The following F2RL1 variants were observed in gnomAD, a reference collection of about 807,000 sequenced individuals.
The protein encoded by F2RL1 is proteinase-activated receptor 2.
F2RL1 carries 16 observed loss-of-function variants against 21.7 expected under a neutral mutation model. The observed-to-expected ratio is 0.74, with a 90% CI of 0.50 to 1.12. The LOEUF is 1.12. Ranked by LOEUF, F2RL1 falls within the 50% of genes most tolerant of loss-of-function variation. The pLI, the probability that F2RL1 is intolerant of heterozygous loss-of-function variation, is 0.00. For synonymous variants in F2RL1, 181 were observed against 186.7 expected (o/e 0.97, Z 0.25); for missense variants, 432 against 477.8 (o/e 0.90, Z 0.89).
At chr5:76,827,905 A>G (rs867953109) in intron 1 of F2RL1, among the ~76,000 whole-genome samples, 1 of 151,812 alleles carries the variant, frequency 6.6e-6, no homozygotes, top group African/African-American at 2.4e-5. Context: ...CCATATAGGA[A>G]CTCTTTAACC....
At chr5:76,830,171 A>G (rs953859589) in intron 1 of F2RL1, among the ~76,000 whole-genome samples, 1 of 152,098 alleles carries the variant, frequency 6.6e-6, no homozygotes, top group African/African-American at 2.4e-5. Context: ...ATTTCTTGGC[A>G]TTCTTGGCCT....
At chr5:76,829,810 G>A (rs184213305) in intron 1 of F2RL1, among the ~76,000 whole-genome samples, 1 of 152,262 alleles carries the variant, frequency 6.6e-6, no homozygotes, top group Non-Finnish European at 1.5e-5. Context: ...ATGGATATGT[G>A]TATTGGGAAC....
chr5:76,824,287 A>G (rs1750200922), intron 1 of F2RL1, among the ~76,000 whole-genome samples: 1 of 150,140 alleles, frequency 6.7e-6, no homozygotes, highest in African/African-American at 2.5e-5. Flanking sequence ...AGCTGGGGCT[A>G]TGGCTAGGTT....
chr5:76,830,951 ATACGGCAGTGCAAG>A (rs1216123302), intron 1 of F2RL1, among the ~76,000 whole-genome samples: 7 of 152,114 alleles, frequency 4.6e-5, no homozygotes, highest in African/African-American at 1.7e-4. Flanking sequence ...TCCCCCTGGT[ATACGGCAGTGCAAG>A]TATTGCCCTG....
Position 76,834,996 on chromosome 5 carries a change from AC to A in F2RL1, c.*1196del, listed in dbSNP as rs1378569499. On this transcript the variant is annotated 3_prime_UTR_variant, in exon 2 of 2. Coordinates refer to ENST00000296677, the MANE Select transcript of F2RL1 (RefSeq NM_005242.6). ...AACATGTAAATACAAATTTTGTATA[AC>A]TTTTGATGACTTCAGTGAAATTTTC... 1 of 152,388 alleles carries A rather than the reference AC, an allele frequency of 6.6e-6. No homozygotes were observed. Among genetic ancestry groups the A allele is most frequent in the Non-Finnish European group, 1.5e-5 (1 of 68,044 alleles). The allele number at this position is 152,388 out of a possible 1,614,324, so 9.4% of individuals were successfully genotyped here.
At chr5:76,820,576 CCT>C (rs1322358848) in intron 1 of F2RL1, among the ~76,000 whole-genome samples, 2 of 152,070 alleles carry the variant, frequency 1.3e-5, no homozygotes, top group Non-Finnish European at 2.9e-5. Flanking sequence ...GGACACCTCT[CCT>C]CTATGTCCTT....
chr5:76,819,332 G>A (rs1408134229), intron 1 of F2RL1, 68 bp downstream of exon 1: 9 of 1,367,004 alleles, frequency 6.6e-6, no homozygotes, highest in East Asian at 4.9e-5. Context: ...CTGGGCAGAC[G>A]GTGGGATCCG....
At chr5:76,825,213 G>T (rs1368816274) in intron 1 of F2RL1, among the ~76,000 whole-genome samples, 1 of 151,848 alleles carries the variant, frequency 6.6e-6, no homozygotes, top group Admixed American at 6.6e-5. Context: ...CACCATGTTG[G>T]TCAGGATGGT....
rs1477937747 is a variant in F2RL1 at position 76,834,985 on chromosome 5, A to G, written c.*1184A>G. On this transcript the variant is annotated 3_prime_UTR_variant, in exon 2 of 2. Coordinates refer to ENST00000296677, the MANE Select transcript of F2RL1 (RefSeq NM_005242.6). ...TCAGGATTTTAAACATGTAAATACA[A>G]ATTTTGTATAACTTTTGATGACTTC... 2 of 152,398 alleles carry G rather than the reference A, an allele frequency of 1.3e-5. No individual in the cohort carries two copies. Among genetic ancestry groups the G allele is most frequent in the Admixed American group, 1.3e-4 (2 of 15,288 alleles). The allele number at this position is 152,398 out of a possible 1,614,324, so 9.4% of individuals were successfully genotyped here.
Position 76,833,357 on chromosome 5 carries a change from C to T in F2RL1, c.750C>T (p.Val250=). Residue 250 remains valine, a synonymous_variant, in exon 2 of 2, where the codon GTC becomes GTT. Coordinates refer to ENST00000296677, the MANE Select transcript of F2RL1 (RefSeq NM_005242.6). Reference sequence around the variant, plus strand: ...ACTTCCTCTCTCTGGCCATTGGGGTCTTTCTGTTCCCAGCCTTCCTCACAG... The same window carrying T: ...ACTTCCTCTCTCTGGCCATTGGGGTTTTTCTGTTCCCAGCCTTCCTCACAG... ...FNYFLSLAIG[V]FLFPAFLTAS... 1 of 1,614,040 alleles carries T rather than the reference C, an allele frequency of 6.2e-7. No homozygotes were observed. Among genetic ancestry groups the T allele is most frequent in the Non-Finnish European group, 8.5e-7 (1 of 1,180,036 alleles).
chr5:76,823,540 A>G (rs2243026), intron 1 of F2RL1, among the ~76,000 whole-genome samples: 86,504 of 151,392 alleles, frequency 0.57, 25,287 homozygotes, highest in South Asian at 0.72. Flanking sequence ...CAACACCTCC[A>G]GCTAATTTTT....
chr5:76,829,186 C>T (rs1208104136), intron 1 of F2RL1, among the ~76,000 whole-genome samples: 2 of 151,120 alleles, frequency 1.3e-5, no homozygotes, highest in Non-Finnish European at 2.9e-5. Context: ...CATTATATGA[C>T]TGATATGTCT....
intron 1 of F2RL1, among the ~76,000 whole-genome samples, chr5:76,825,453 G>GT (rs1268872133): frequency 1.3e-5 from 2 of 152,204 alleles, no homozygotes; most frequent in African/African-American, 4.8e-5. Context: ...CTGTAACTGA[G>GT]TGGGGGGATG....
In F2RL1 at chr5:76,832,710, G is replaced by C. The variant is rs767479233; in HGVS notation, c.103G>C (p.Gly35Arg). The C allele has an allele frequency of 1.2e-6, 2 of 1,609,710 alleles. No individual in the cohort carries two copies. Among genetic ancestry groups the C allele is most frequent in the Non-Finnish European group, 1.7e-6 (2 of 1,177,328 alleles). ...TIQGTSRSSK[G>R]RSLIGKVDGT... ...TACAGGAACCAGTAGATCCTCTAAA[G>C]GAAGAAGCCTTATTGGTAAGGTTGA... Residue 35 changes from glycine to arginine, a missense_variant, in exon 2 of 2, where the codon GGA (glycine) becomes CGA (arginine). Gly to Arg is a moderately radical substitution (Grantham distance 125, BLOSUM62 -2). Transcript: ENST00000296677.
intron 1 of F2RL1, among the ~76,000 whole-genome samples, chr5:76,820,056 G>T (rs944054060): frequency 4.6e-5 from 7 of 152,200 alleles, no homozygotes; most frequent in African/African-American, 1.7e-4. Context: ...GACTTTCCTA[G>T]TGTGCCACCC....
chr5:76,827,784 G>C (rs1750271684), intron 1 of F2RL1, among the ~76,000 whole-genome samples: 1 of 151,592 alleles, frequency 6.6e-6, no homozygotes, highest in African/African-American at 2.4e-5. Flanking sequence ...ATTTTTAATA[G>C]AGATGGGGTT....
rs1272090660 is a variant in F2RL1 at position 76,833,116 on chromosome 5, G to A, written c.509G>A (p.Ser170Asn). The stretch of plus-strand genomic sequence containing the variant: ...TCCATTCTCTTCATGACCTGCCTCA[G>A]TGTGCAGAGGTATTGGGTCATCGTG... The part of the protein sequence containing the change: ...YCSILFMTCL[S>N]VQRYWVIVNP... The change falls in exon 2 of 2, where the codon AGT becomes AAT. Residue 170 changes from serine to asparagine, a missense_variant. By Grantham distance (46) the Ser-to-Asn change is conservative. Coordinates refer to ENST00000296677, the MANE Select transcript of F2RL1 (RefSeq NM_005242.6). The A allele has an allele frequency of 1.2e-6, 2 of 1,614,084 alleles. No homozygotes were observed. Among genetic ancestry groups the A allele is most frequent in the East Asian group, 2.2e-5 (1 of 44,902 alleles).
At chr5:76,820,804 G>A (rs935500560) in intron 1 of F2RL1, among the ~76,000 whole-genome samples, 6 of 152,086 alleles carry the variant, frequency 3.9e-5, no homozygotes, top group Admixed American at 3.9e-4. Context: ...GAAAAATCAG[G>A]TTACTTGTTA....
chr5:76,830,541 G>T (rs1250879274), intron 1 of F2RL1, among the ~76,000 whole-genome samples: 1 of 152,162 alleles, frequency 6.6e-6, no homozygotes, highest in East Asian at 1.9e-4. Context: ...CTCCCAAAGT[G>T]CTGGGATTAC....
Sources: gnomAD v4.1 joint callset for allele counts (sites outside exome capture counted in the v4.1 genomes callset) on GRCh38, gnomAD v4.1.1 for gene constraint, MANE v1.5 for transcripts, NCBI Gene and HGNC (gene_info 2026-07-23, HGNC 2026-07-21) for gene names.